The following POMT2 variants were observed in gnomAD, a reference collection of about 807,000 sequenced individuals.
POMT2 encodes protein O-mannosyltransferase 2.
In POMT2, 75 loss-of-function variants were observed where a neutral mutation model predicts 100.0. That is an observed-to-expected ratio of 0.75 (90% confidence interval 0.62 to 0.91). The LOEUF is 0.91. POMT2 is among the 40% of genes least tolerant of loss of function. POMT2 has a pLI of 0.00. For missense variants in POMT2, 940 were observed against 955.1 expected (o/e 0.98, Z 0.21); for synonymous variants, 378 against 374.1 (o/e 1.01, Z -0.12).
chr14:77,301,076 C>G lies in POMT2; in HGVS notation c.816+14G>C, dbSNP rs776598705. 4.1e-5 allele frequency: 66 copies of G among 1,613,868 alleles called. No individual in the cohort carries two copies. Among genetic ancestry groups the G allele is most frequent in the Admixed American group, 8.3e-5 (5 of 59,990 alleles). The stretch of plus-strand genomic sequence containing the variant: ...GAGCAAAAACATTTCCACAGCAAAC[C>G]CTTGGGTGCTCACCAATGAAAGACT... On this transcript the variant is annotated intron_variant, in intron 6 of 20. Coordinates refer to ENST00000261534, the MANE Select transcript of POMT2 (RefSeq NM_013382.7).
At position 77,283,785 on chromosome 14, in the gene POMT2, G is replaced by T; in HGVS notation, c.1653+12C>A. On this transcript the variant is annotated intron_variant, in intron 15 of 20. Transcript: ENST00000261534. ...TCTTAGAGACGCCATGAAATGAGAAGGGGACACATACCCGGATCATGACCA... is the reference window on the plus strand; with the variant it reads ...TCTTAGAGACGCCATGAAATGAGAATGGGACACATACCCGGATCATGACCA... The T allele has an allele frequency of 6.3e-7, 1 of 1,592,164 alleles. No homozygotes were observed. Among genetic ancestry groups the T allele is most frequent in the Non-Finnish European group, 8.6e-7 (1 of 1,160,064 alleles).
In POMT2 at chr14:77,320,716, G is replaced by A. The variant is rs745971015; in HGVS notation, c.-35C>T. ...CCTCTGGGTCGCCCTCCGGCCCGGA[G>A]GCACACTTTGTCTGACCAGCCGCCC... On this transcript the variant is annotated 5_prime_UTR_variant, in exon 1 of 21. Transcript: ENST00000261534. The A allele has an allele frequency of 1.9e-6, 3 of 1,587,398 alleles. No individual in the cohort carries two copies. Among genetic ancestry groups the A allele is most frequent in the Non-Finnish European group, 2.6e-6 (3 of 1,175,784 alleles).
intron 2 of POMT2, among the ~76,000 whole-genome samples, chr14:77,308,408 T>G (rs980951973): frequency 6.9e-6 from 1 of 145,134 alleles, no homozygotes; most frequent in Admixed American, 7.2e-5. Flanking sequence ...CAGGCTAGAG[T>G]GCAATGGTGC....
At chr14:77,314,660 T>C (rs1665031032) in intron 1 of POMT2, among the ~76,000 whole-genome samples, 1 of 152,158 alleles carries the variant, frequency 6.6e-6, no homozygotes, top group African/African-American at 2.4e-5. Context: ...AACAAGCCAC[T>C]GAATGTCACC....
At chr14:77,303,668 C>A (rs1891131943) in intron 4 of POMT2, among the ~76,000 whole-genome samples, 1 of 152,214 alleles carries the variant, frequency 6.6e-6, no homozygotes, top group African/African-American at 2.4e-5. Flanking sequence ...GATCCTTTGT[C>A]TCACTCAGGT....
At chr14:77,282,646 G>T (rs1427920549) in intron 15 of POMT2, among the ~76,000 whole-genome samples, 1 of 152,174 alleles carries the variant, frequency 6.6e-6, no homozygotes, top group Admixed American at 6.5e-5. Context: ...CACAGTGACA[G>T]CTACAAGCAG....
intron 2 of POMT2, among the ~76,000 whole-genome samples, chr14:77,311,540 C>G (rs1891435411): frequency 1.3e-5 from 2 of 152,224 alleles, no homozygotes; most frequent in African/African-American, 2.4e-5. Context: ...TACTTTGTGT[C>G]TCTGCGGATT....
intron 9 of POMT2, among the ~76,000 whole-genome samples, chr14:77,292,433 T>C (rs1269245447): frequency 3.3e-5 from 5 of 152,228 alleles, no homozygotes; most frequent in Admixed American, 6.5e-5. Context: ...CCACATTACT[T>C]ACAAGGAAAC....
In POMT2 at chr14:77,288,648, C is replaced by A. The variant is rs1378754271; in HGVS notation, c.1253+114G>T. ...TGCTTCTCCCATTCTCGCACTGTGG[C>A]CTTGCTCCATTGACCAGAGCCTCAT... On this transcript the variant is annotated intron_variant, in intron 11 of 20. Coordinates refer to ENST00000261534, the MANE Select transcript of POMT2 (RefSeq NM_013382.7). The A allele has an allele frequency of 8.0e-6, 7 of 878,192 alleles. No homozygotes were observed. In the East Asian group the frequency reaches 1.9e-4, roughly 23 times the overall value. 54.4% of individuals were successfully genotyped at this position (878,192 alleles called of 1,614,324 possible).
chr14:77,289,062 G>A (rs947769420), intron 10 of POMT2, among the ~76,000 whole-genome samples: 39 of 151,428 alleles, frequency 2.6e-4, no homozygotes, highest in African/African-American at 7.0e-4. Flanking sequence ...TTTGTCAGGT[G>A]AACAAGCAGG....
At position 77,299,487 on chromosome 14, in the gene POMT2, G is replaced by C. The variant is rs769829396; in HGVS notation, c.891C>G (p.Thr297=). The change falls in exon 7 of 21, where the codon ACC becomes ACG. Residue 297 remains threonine, a synonymous_variant. Transcript: ENST00000261534. Reference sequence around the variant, plus strand: ...TCAGCACCATGAAGTGAACAGCAAAGGTGGCTGTATAGAGAGCCAGGGGCA... The same window carrying C: ...TCAGCACCATGAAGTGAACAGCAAACGTGGCTGTATAGAGAGCCAGGGGCA... ...IVLPLALYTA[T]FAVHFMVLSK... 6.2e-7 allele frequency: 1 copy of C among 1,614,088 alleles called. No homozygotes were observed. Among genetic ancestry groups the C allele is most frequent in the South Asian group, 1.1e-5 (1 of 91,082 alleles).
intron 7 of POMT2, among the ~76,000 whole-genome samples, chr14:77,299,027 G>A (rs916830913): frequency 6.6e-6 from 1 of 152,200 alleles, no homozygotes; most frequent in Admixed American, 6.5e-5. Context: ...AAGAAACCAA[G>A]AGAAGTCACA....
intron 1 of POMT2, among the ~76,000 whole-genome samples, chr14:77,317,614 C>A (rs906634853): frequency 6.6e-6 from 1 of 152,204 alleles, no homozygotes; most frequent in Non-Finnish European, 1.5e-5. Context: ...GGTCTGCAAA[C>A]CTTACTGAAG....
chr14:77,294,604 T>G (rs769340184), intron 9 of POMT2, among the ~76,000 whole-genome samples: 7 of 152,186 alleles, frequency 4.6e-5, no homozygotes, highest in Non-Finnish European at 8.8e-5. Context: ...TGGCCAGAGA[T>G]CTGATGGTTT....
chr14:77,310,687 C>A (rs987715428), intron 2 of POMT2, among the ~76,000 whole-genome samples: 4 of 152,244 alleles, frequency 2.6e-5, no homozygotes, highest in African/African-American at 9.6e-5. Context: ...TGCCTTTATC[C>A]CCCAAGTACT....
intron 4 of POMT2, among the ~76,000 whole-genome samples, chr14:77,303,410 C>A (rs1891122544): frequency 6.6e-6 from 1 of 152,092 alleles, no homozygotes; most frequent in Admixed American, 6.5e-5. Context: ...TTATGTCATG[C>A]CCCTGCTTAA....
At position 77,298,788 on chromosome 14, in the gene POMT2, A is replaced by G; in HGVS notation, c.924-17T>C. On this transcript the variant is annotated splice_polypyrimidine_tract_variant and intron_variant, in intron 7 of 20. Coordinates refer to ENST00000261534, the MANE Select transcript of POMT2 (RefSeq NM_013382.7). ...CCAGGGCCACTGTGGGGAGAGGAAG[A>G]GCAGAAGAGAGTCAAGTTAAAGGAG... is the stretch of plus-strand genomic sequence containing the variant. 1 of 1,606,760 alleles carries G rather than the reference A, an allele frequency of 6.2e-7. No homozygotes were observed. Among genetic ancestry groups the G allele is most frequent in the Non-Finnish European group, 8.5e-7 (1 of 1,175,698 alleles).
At chr14:77,311,485 C>T (rs1891434211) in intron 2 of POMT2, among the ~76,000 whole-genome samples, 1 of 152,194 alleles carries the variant, frequency 6.6e-6, no homozygotes, top group Admixed American at 6.5e-5. Flanking sequence ...CATTTGCAGT[C>T]ACTGCCTAAT....
chr14:77,291,985 G>A (rs769027736), intron 9 of POMT2, among the ~76,000 whole-genome samples: 7 of 151,974 alleles, frequency 4.6e-5, no homozygotes, highest in Non-Finnish European at 5.9e-5. Context: ...AGCTGAGATC[G>A]CGCCACTGCA....
Sources: gnomAD v4.1 joint callset for allele counts (sites outside exome capture counted in the v4.1 genomes callset) on GRCh38, gnomAD v4.1.1 for gene constraint, MANE v1.5 for transcripts, NCBI Gene and HGNC (gene_info 2026-07-23, HGNC 2026-07-21) for gene names.